USH2A: variants seen among roughly 807,000 people sequenced by gnomAD.
USH2A encodes the protein Usher syndrome 2A (autosomal recessive, mild).
USH2A carries 443 observed loss-of-function variants against 538.9 expected under a neutral mutation model. The observed-to-expected ratio is 0.82, with a 90% CI of 0.76 to 0.89. The LOEUF (loss-of-function observed/expected upper bound fraction) is 0.89. Ranked by LOEUF, USH2A falls within the 40% of genes least tolerant of loss-of-function variation. USH2A has a pLI of 0.00. For missense variants in USH2A, 6,633 were observed against 6,324.8 expected (o/e 1.05, Z -1.65); for synonymous variants, 2,413 against 2,273.5 (o/e 1.06, Z -1.75).
At position 216,093,605 on chromosome 1, in the gene USH2A, C is replaced by G. The variant is rs141818324; in HGVS notation, c.4758+3478G>C. 2.7e-3 allele frequency among the ~76,000 whole-genome samples: 411 copies of G among 152,278 alleles called. 1 individual carries two copies. Among genetic ancestry groups the G allele is most frequent in the Non-Finnish European group, 4.4e-3 (300 of 68,032 alleles). ...CCTATCCTACAGAGTCTTAAGGTAT[C>G]GCATCCTTTAGAAATAGCAACACCA... is the stretch of plus-strand genomic sequence containing the variant. On this transcript the variant is annotated intron_variant, in intron 22 of 71. Coordinates refer to ENST00000307340, the MANE Select transcript of USH2A (RefSeq NM_206933.4).
At position 216,000,547 on chromosome 1, in the gene USH2A, G is replaced by A. The variant is rs777813142; in HGVS notation, c.6341C>T (p.Thr2114Ile). The A allele has an allele frequency of 6.2e-6, 10 of 1,613,492 alleles. No individual in the cohort carries two copies. Among genetic ancestry groups the A allele is most frequent in the Admixed American group, 3.3e-5 (2 of 59,968 alleles). Residue 2114 changes from threonine (T) to isoleucine (I), a missense_variant, in exon 33 of 72, where the codon ACA (threonine) becomes ATA (isoleucine). Transcript: ENST00000307340. ...TGCACTTAGTAGAAACTGGTGGGGT[G>A]TAAATACTGCTAAATCTAGGGGATA... Reference protein sequence around the residue: ...NYIVTDLAVFTPHQFLLSACT... With the variant: ...NYIVTDLAVFIPHQFLLSACT...
At chr1:215,770,999 T>C (rs932428555) in intron 55 of USH2A, among the ~76,000 whole-genome samples, 2 of 144,446 alleles carry the variant, frequency 1.4e-5, no homozygotes, top group Admixed American at 7.0e-5. Context: ...TGGTGGTGCA[T>C]GCCTGTAGTC....
chr1:216,336,928 G>A lies in USH2A; in HGVS notation c.785-9274C>T, dbSNP rs116401614. On this transcript the variant is annotated intron_variant, in intron 4 of 71. Coordinates refer to ENST00000307340, the MANE Select transcript of USH2A (RefSeq NM_206933.4). ...TCGTGGCATTGGATTGGATAACTTC[G>A]ACAAATTTCTTTAGGAAAGACCCTG... 6.4e-3 allele frequency among the ~76,000 whole-genome samples: 973 copies of A among 151,434 alleles called. 3 individuals are homozygous for A. The highest frequency in any genetic ancestry group is 0.036 in the East Asian group (185 of 5,146).
At chr1:215,783,789 T>A (rs1008110881) in intron 52 of USH2A, among the ~76,000 whole-genome samples, 2 of 152,220 alleles carry the variant, frequency 1.3e-5, no homozygotes, top group Non-Finnish European at 2.9e-5. Context: ...TCTGGATGAC[T>A]CTTTCTCAGA....
Position 215,867,190 on chromosome 1 carries a change from A to G in USH2A, c.8682-20T>C, listed in dbSNP as rs970135337. ...GTAAACCTAAAATGTTGTTTTGTTA[A>G]AAAAAGTATATGAATTTCTACTTTA... is the stretch of plus-strand genomic sequence containing the variant. On this transcript the variant is annotated intron_variant, in intron 43 of 71. Transcript: ENST00000307340. The G allele has an allele frequency of 6.2e-6, 10 of 1,611,698 alleles. No individual in the cohort carries two copies. In the African/African-American group the frequency reaches 1.3e-4, roughly 22 times the overall value.
chr1:215,820,324 G>A (rs1168027969), intron 47 of USH2A, among the ~76,000 whole-genome samples: 1 of 151,110 alleles, frequency 6.6e-6, no homozygotes, highest in African/African-American at 2.4e-5. Flanking sequence ...ACACAACATT[G>A]TGGATTATAC....
At chr1:215,872,365 G>T (rs973898153) in intron 43 of USH2A, among the ~76,000 whole-genome samples, 3 of 152,124 alleles carry the variant, frequency 2.0e-5, no homozygotes, top group Non-Finnish European at 2.9e-5. Context: ...GAAGAGTAAT[G>T]TTGATCACAC....
intron 44 of USH2A, among the ~76,000 whole-genome samples, chr1:215,856,220 A>C (rs554322153): frequency 3.3e-5 from 5 of 152,240 alleles, no homozygotes; most frequent in Admixed American, 3.3e-4. Flanking sequence ...TCTGCACAGC[A>C]AAAGAAATAA....
At chr1:215,726,096 TATTTAA>T (rs1461755710) in intron 61 of USH2A, among the ~76,000 whole-genome samples, 7 of 152,288 alleles carry the variant, frequency 4.6e-5, no homozygotes, top group African/African-American at 1.7e-4. Flanking sequence ...AATAAAAACA[TATTTAA>T]ATTAAGGTGC....
chr1:215,694,831 A>G (rs886345528), intron 61 of USH2A, among the ~76,000 whole-genome samples: 5 of 152,216 alleles, frequency 3.3e-5, no homozygotes, highest in East Asian at 1.9e-4. Flanking sequence ...CAATGACCAT[A>G]TAGGATTTAG....
intron 38 of USH2A, among the ~76,000 whole-genome samples, chr1:215,912,511 ACGTG>A (rs201092076): frequency 1.9e-3 from 31 of 16,718 alleles, no homozygotes; most frequent in African/African-American, 6.4e-3. Context: ...ATATATATAT[ACGTG>A]TATATATATA....
chr1:215,993,104 G>C lies in USH2A; in HGVS notation c.6721C>G (p.Pro2241Ala). 1 of 1,614,050 alleles carries C rather than the reference G, an allele frequency of 6.2e-7. No individual in the cohort carries two copies. Among genetic ancestry groups the C allele is most frequent in the Non-Finnish European group, 8.5e-7 (1 of 1,179,986 alleles). ...GCTTTGGGGGCTGGCACGCCTTCGG[G>C]TATGTCCTCGTCAGTTAGGGCCTCA... ...ASEALTDEDI[P>A]EGVPAPKAHS... is the part of the protein sequence containing the mutation. Residue 2241 changes from proline to alanine, a missense_variant, in exon 35 of 72, where the codon CCC becomes GCC. By Grantham distance (27) the Pro-to-Ala change is conservative. Transcript: ENST00000307340.
At chr1:215,901,398 C>T (rs1665498367) in intron 38 of USH2A, 1 of 197,006 alleles carries the variant, frequency 5.1e-6, no homozygotes, top group Non-Finnish European at 1.1e-5. Context: ...GGGAAGTTAG[C>T]TAAAATTGTA....
chr1:215,838,931 G>T (rs1663601982), intron 46 of USH2A, among the ~76,000 whole-genome samples: 2 of 152,108 alleles, frequency 1.3e-5, no homozygotes, highest in Admixed American at 6.5e-5. Flanking sequence ...GGCAAGCTAG[G>T]TACTGATGAA....
At chr1:216,092,475 T>G (rs1558254399) in intron 22 of USH2A, among the ~76,000 whole-genome samples, 1 of 152,188 alleles carries the variant, frequency 6.6e-6, no homozygotes, top group African/African-American at 2.4e-5. Flanking sequence ...TGAAATAAAC[T>G]TCTATACTTT....
chr1:215,987,883 C>T (rs1667908927), intron 35 of USH2A, among the ~76,000 whole-genome samples: 1 of 152,026 alleles, frequency 6.6e-6, no homozygotes, highest in Non-Finnish European at 1.5e-5. Flanking sequence ...ATGAGCTCAC[C>T]CTTGTTTAAA....
chr1:215,673,809 G>T (rs917800903), intron 63 of USH2A, among the ~76,000 whole-genome samples: 1 of 152,160 alleles, frequency 6.6e-6, no homozygotes, highest in Admixed American at 6.5e-5. Context: ...TTTCCAGGGG[G>T]ACTAGCCTCA....
chr1:215,806,519 A>G (rs997073495), intron 49 of USH2A, among the ~76,000 whole-genome samples: 2 of 152,044 alleles, frequency 1.3e-5, no homozygotes, highest in African/African-American at 4.8e-5. Context: ...CAGGATGCTA[A>G]CCCCTTAAAG....
At chr1:215,969,658 G>A (rs1667444180) in intron 36 of USH2A, among the ~76,000 whole-genome samples, 1 of 151,578 alleles carries the variant, frequency 6.6e-6, no homozygotes, top group Non-Finnish European at 1.5e-5. Flanking sequence ...TGGCAATAAA[G>A]ACTACAGCTC....
Sources: gnomAD v4.1 joint callset for allele counts (sites outside exome capture counted in the v4.1 genomes callset) on GRCh38, gnomAD v4.1.1 for gene constraint, MANE v1.5 for transcripts, NCBI Gene and HGNC (gene_info 2026-07-23, HGNC 2026-07-21) for gene names.